The following CNTNAP2 variants were observed in gnomAD, a reference collection of about 807,000 sequenced individuals.
CNTNAP2 encodes the protein contactin associated protein 2, also known as contactin-associated protein-like 2.
Under a neutral mutation model 155.2 loss-of-function variants are expected in CNTNAP2, and 98 were observed. The observed-to-expected ratio is 0.63, with a 90% CI of 0.54 to 0.75. The LOEUF (loss-of-function observed/expected upper bound fraction) is 0.75. Among genes scored for constraint, CNTNAP2 ranks in the 30% least tolerant of loss-of-function variants. CNTNAP2 has a pLI of 0.00. For missense variants in CNTNAP2, 1,727 were observed against 1,688.1 expected (o/e 1.02, Z -0.40); for synonymous variants, 651 against 631.2 (o/e 1.03, Z -0.47).
At chr7:147,381,980 A>G (rs962213159) in intron 9 of CNTNAP2, among the ~76,000 whole-genome samples, 9 of 152,092 alleles carry the variant, frequency 5.9e-5, no homozygotes, top group Non-Finnish European at 1.0e-4. Context: ...TAGCTAAAGT[A>G]TAATTTAAAA....
At chr7:148,317,361 A>AC (rs1797708863) in intron 21 of CNTNAP2, among the ~76,000 whole-genome samples, 1 of 152,054 alleles carries the variant, frequency 6.6e-6, no homozygotes, top group African/African-American at 2.4e-5. Flanking sequence ...ATCTCAAAAA[A>AC]AAAAAATTCA....
chr7:146,335,114 A>T (rs563434640), intron 1 of CNTNAP2, among the ~76,000 whole-genome samples: 1 of 152,304 alleles, frequency 6.6e-6, no homozygotes, highest in Non-Finnish European at 1.5e-5. Flanking sequence ...AAATGCTCAG[A>T]AATTACTGGT....
At chr7:148,403,222 G>A (rs917949534) in intron 22 of CNTNAP2, among the ~76,000 whole-genome samples, 5 of 151,260 alleles carry the variant, frequency 3.3e-5, no homozygotes, top group East Asian at 2.0e-4. Flanking sequence ...GCCTGTGCTT[G>A]GTGGAGGAGG....
At chr7:147,395,070 AT>A in intron 9 of CNTNAP2, among the ~76,000 whole-genome samples, 1 of 152,108 alleles carries the variant, frequency 6.6e-6, no homozygotes, top group Middle Eastern at 3.4e-3. Flanking sequence ...AAAAAAAGGC[AT>A]CTATAATGCA....
chr7:146,565,467 A>C (rs1426011617), intron 1 of CNTNAP2, among the ~76,000 whole-genome samples: 1 of 152,116 alleles, frequency 6.6e-6, no homozygotes, highest in Non-Finnish European at 1.5e-5. Flanking sequence ...TCCATGTTAG[A>C]GTTAATGAAA....
At chr7:147,209,222 A>G (rs1310205236) in intron 8 of CNTNAP2, among the ~76,000 whole-genome samples, 1 of 152,018 alleles carries the variant, frequency 6.6e-6, no homozygotes, top group Non-Finnish European at 1.5e-5. Flanking sequence ...CTTCTAATTC[A>G]TGAGCAAGGA....
At chr7:146,448,675 G>A (rs1213088259) in intron 1 of CNTNAP2, among the ~76,000 whole-genome samples, 1 of 152,000 alleles carries the variant, frequency 6.6e-6, no homozygotes, top group Non-Finnish European at 1.5e-5. Context: ...TCTAATGGTT[G>A]TATCTTACCA....
chr7:146,324,660 T>A (rs2129093340), intron 1 of CNTNAP2, among the ~76,000 whole-genome samples: 1 of 152,254 alleles, frequency 6.6e-6, no homozygotes, highest in South Asian at 2.1e-4. Context: ...CTTTTTCTAA[T>A]AAATATATAT....
At chr7:148,320,483 A>C (rs1489001843) in intron 21 of CNTNAP2, among the ~76,000 whole-genome samples, 2 of 145,694 alleles carry the variant, frequency 1.4e-5, no homozygotes, top group Admixed American at 7.2e-5. Context: ...TCCTGGGTTC[A>C]AGTGATTCTC....
intron 11 of CNTNAP2, among the ~76,000 whole-genome samples, chr7:147,560,481 A>T (rs1362021793): frequency 6.6e-6 from 1 of 152,156 alleles, no homozygotes; most frequent in Admixed American, 6.5e-5. Context: ...GCAGCCGTGT[A>T]GTTTATCATC....
chr7:147,434,631 C>T (rs1354223432), intron 10 of CNTNAP2, among the ~76,000 whole-genome samples: 2 of 152,146 alleles, frequency 1.3e-5, no homozygotes, highest in Non-Finnish European at 2.9e-5. Context: ...ATTGATTTGC[C>T]TATGTTGATG....
chr7:146,477,630 C>A (rs1261459016), intron 1 of CNTNAP2, among the ~76,000 whole-genome samples: 2 of 96,276 alleles, frequency 2.1e-5, no homozygotes, highest in African/African-American at 1.9e-4. Context: ...AGCAAACACA[C>A]ACACACACAC....
At chr7:147,441,166 G>A (rs961175548) in intron 10 of CNTNAP2, among the ~76,000 whole-genome samples, 1 of 151,238 alleles carries the variant, frequency 6.6e-6, no homozygotes, top group Non-Finnish European at 1.5e-5. Flanking sequence ...GTTTTCTTTT[G>A]TCTCCTCCGT....
chr7:147,441,227 A>G lies in CNTNAP2; in HGVS notation c.1671-44708A>G, dbSNP rs569516215. On this transcript the variant is annotated intron_variant, in intron 10 of 23. Coordinates refer to ENST00000361727, the MANE Select transcript of CNTNAP2 (RefSeq NM_014141.6). ...GCTCATTCTTTCTTCTGCTTGATCA[A>G]TTCAGCTATTAAAGGACTCTGATGC... is the stretch of plus-strand genomic sequence containing the variant. Among the ~76,000 whole-genome samples, 429 of 151,998 alleles carry G rather than the reference A, an allele frequency of 2.8e-3. 2 individuals carry two copies. The highest frequency in any genetic ancestry group is 4.8e-3 in the Non-Finnish European group (328 of 67,990).
chr7:148,248,801 T>G (rs1240303230), intron 20 of CNTNAP2, among the ~76,000 whole-genome samples: 1 of 152,190 alleles, frequency 6.6e-6, no homozygotes, highest in African/African-American at 2.4e-5. Flanking sequence ...AAGTGTATCT[T>G]TAACTGTTTT....
chr7:148,319,277 T>C (rs888845582), intron 21 of CNTNAP2, among the ~76,000 whole-genome samples: 6 of 152,212 alleles, frequency 3.9e-5, no homozygotes, highest in Non-Finnish European at 7.3e-5. Context: ...TCTGGCAAAA[T>C]AGATTGTGAC....
intron 1 of CNTNAP2, among the ~76,000 whole-genome samples, chr7:146,195,945 C>T (rs1346088398): frequency 6.6e-6 from 1 of 152,190 alleles, no homozygotes; most frequent in Non-Finnish European, 1.5e-5. Flanking sequence ...TGGTGTGAAT[C>T]TCATGCCTAT....
intron 14 of CNTNAP2, among the ~76,000 whole-genome samples, chr7:147,916,931 C>T (rs114880447): frequency 0.011 from 1,616 of 152,286 alleles, 36 homozygotes; most frequent in African/African-American, 0.038. Flanking sequence ...TAGTTTCCCA[C>T]GTGTAAAACC....
intron 13 of CNTNAP2, among the ~76,000 whole-genome samples, chr7:147,744,927 C>T (rs1381870766): frequency 6.6e-6 from 1 of 152,102 alleles, no homozygotes; most frequent in African/African-American, 2.4e-5. Context: ...TTTTGGGGGA[C>T]ATAATCCTGT....
Sources: allele counts gnomAD v4.1 joint callset (sites outside exome capture counted in the v4.1 genomes callset), GRCh38; gene constraint gnomAD v4.1.1; transcripts MANE v1.5; gene names NCBI Gene and HGNC (gene_info 2026-07-23, HGNC 2026-07-21).